The following CLEC16A variants were observed in gnomAD, a reference collection of about 807,000 sequenced individuals.
CLEC16A encodes the protein protein CLEC16A.
In CLEC16A, 51 loss-of-function variants were observed where a neutral mutation model predicts 109.5. The observed-to-expected ratio is 0.47, with a 90% CI of 0.37 to 0.59. CLEC16A has a LOEUF of 0.59. Among genes scored for constraint, CLEC16A ranks in the 20% least tolerant of loss-of-function variants. CLEC16A has a pLI of 0.00. For synonymous variants in CLEC16A, 673 were observed against 564.2 expected (o/e 1.19, Z -2.73); for missense variants, 1,339 against 1,394.0 (o/e 0.96, Z 0.63).
At chr16:11,152,137 G>A (rs1224807132) in intron 22 of CLEC16A, among the ~76,000 whole-genome samples, 1 of 152,226 alleles carries the variant, frequency 6.6e-6, no homozygotes, top group African/African-American at 2.4e-5. Flanking sequence ...AAGATGCGCG[G>A]AAGGATAAAT....
chr16:11,042,559 G>A (rs1397769211), intron 15 of CLEC16A, among the ~76,000 whole-genome samples, 196 bp downstream of exon 15: 1 of 152,168 alleles, frequency 6.6e-6, no homozygotes, highest in Non-Finnish European at 1.5e-5. Context: ...GCCGAGACTC[G>A]CTGAAGAGTC....
At position 11,075,276 on chromosome 16, in the gene CLEC16A, G is replaced by A. The variant is rs112750077; in HGVS notation, c.2116+14254G>A. Among the ~76,000 whole-genome samples the A allele has an allele frequency of 6.1e-3, 923 of 152,304 alleles. 9 individuals are homozygous for A. The highest frequency in any genetic ancestry group is 0.02 in the African/African-American group (852 of 41,570). On this transcript the variant is annotated intron_variant, in intron 19 of 23. Coordinates refer to ENST00000409790, the MANE Select transcript of CLEC16A (RefSeq NM_015226.3). ...TCCGAGGCACATCAACCCTTGGGATGTGGACAGCTTCTGGGTGCAGCTGCA... is the reference window on the plus strand; with the variant it reads ...TCCGAGGCACATCAACCCTTGGGATATGGACAGCTTCTGGGTGCAGCTGCA...
chr16:11,005,991 G>A (rs181373747), intron 11 of CLEC16A, among the ~76,000 whole-genome samples: 20 of 151,122 alleles, frequency 1.3e-4, no homozygotes, highest in Admixed American at 9.9e-4. Context: ...GTGAAGATAC[G>A]TTGATATTTG....
intron 16 of CLEC16A, 140 bp from the exon 17 acceptor site, chr16:11,047,152 T>A: frequency 3.9e-6 from 2 of 510,144 alleles, no homozygotes; most frequent in Non-Finnish European, 6.7e-6. Context: ...ACGTGTGCAT[T>A]TTACTTCCTG....
intron 19 of CLEC16A, among the ~76,000 whole-genome samples, chr16:11,107,928 C>G (rs1323416015): frequency 6.6e-6 from 1 of 152,342 alleles, no homozygotes; most frequent in African/African-American, 2.4e-5. Context: ...TCCCCTCCAC[C>G]CCGCACTGAG....
chr16:11,007,434 G>A (rs1000895294), intron 11 of CLEC16A, among the ~76,000 whole-genome samples: 1 of 152,160 alleles, frequency 6.6e-6, no homozygotes, highest in Non-Finnish European at 1.5e-5. Flanking sequence ...GGCAAGCCAG[G>A]GACTGACTAT....
At chr16:11,027,690 G>T (rs1597110554) in intron 13 of CLEC16A, 3 of 1,578,176 alleles carry the variant, frequency 1.9e-6, no homozygotes, top group East Asian at 2.2e-5. Flanking sequence ...AAATAGAGTG[G>T]GCTTCCTCAA....
intron 23 of CLEC16A, among the ~76,000 whole-genome samples, chr16:11,177,105 C>G (rs560117363): frequency 2.0e-5 from 3 of 152,238 alleles, no homozygotes; most frequent in Non-Finnish European, 4.4e-5. Context: ...GCACCTCCCG[C>G]CATGGCTTGG....
chr16:11,070,153 C>G (rs1230451454), intron 19 of CLEC16A, among the ~76,000 whole-genome samples: 1 of 151,848 alleles, frequency 6.6e-6, no homozygotes, highest in East Asian at 1.9e-4. Context: ...TCACTGCAAG[C>G]TCCGCCTCCC....
Position 11,003,292 on chromosome 16 carries a change from T to G in CLEC16A, c.1290T>G (p.Ser430Arg). ...TEGGSKGIKT[S>R]GESEEIEMVI... ...GTGGTTCAAAAGGCATCAAGACGAGTGGGGAGAGTGAAGGTGAGTGTCCCC... is the reference window on the plus strand; with the variant it reads ...GTGGTTCAAAAGGCATCAAGACGAGGGGGGAGAGTGAAGGTGAGTGTCCCC... The change falls in exon 11 of 24, where the codon AGT becomes AGG. Residue 430 changes from serine to arginine, a missense_variant. Transcript: ENST00000409790. 1 of 1,611,008 alleles carries G rather than the reference T, an allele frequency of 6.2e-7. No homozygotes were observed. The highest frequency in any genetic ancestry group is 8.5e-7 in the Non-Finnish European group (1 of 1,179,384).
chr16:11,069,076 G>T (rs577273420), intron 19 of CLEC16A, among the ~76,000 whole-genome samples: 1 of 148,494 alleles, frequency 6.7e-6, no homozygotes, highest in Non-Finnish European at 1.5e-5. Flanking sequence ...CAAATAGTCC[G>T]CCTGCCTTGG....
At chr16:11,160,526 C>G (rs1020872266) in intron 22 of CLEC16A, among the ~76,000 whole-genome samples, 9 of 152,166 alleles carry the variant, frequency 5.9e-5, no homozygotes, top group East Asian at 1.9e-4. Context: ...CCCTCTTTCC[C>G]TTCAGCCCAC....
chr16:11,073,703 A>C (rs535960754), intron 19 of CLEC16A, among the ~76,000 whole-genome samples: 36 of 152,194 alleles, frequency 2.4e-4, no homozygotes, highest in African/African-American at 8.4e-4. Flanking sequence ...TGGCCCTCCC[A>C]GCCTCCTTCC....
intron 22 of CLEC16A, among the ~76,000 whole-genome samples, chr16:11,138,096 A>G (rs1369539156): frequency 6.6e-6 from 1 of 152,074 alleles, no homozygotes; most frequent in Non-Finnish European, 1.5e-5. Flanking sequence ...CATTTTTTAA[A>G]GGAACTTTTA....
chr16:11,071,604 T>C (rs1253863869), intron 19 of CLEC16A, among the ~76,000 whole-genome samples: 2 of 151,044 alleles, frequency 1.3e-5, no homozygotes, highest in Admixed American at 6.6e-5. Flanking sequence ...ACGTTTCTTT[T>C]TTTTTTTTTT....
chr16:11,116,694 G>A (rs2052019340), intron 19 of CLEC16A, among the ~76,000 whole-genome samples: 1 of 152,140 alleles, frequency 6.6e-6, no homozygotes, highest in Non-Finnish European at 1.5e-5. Flanking sequence ...GGAGAGGGGG[G>A]AAATCCTTGG....
intron 19 of CLEC16A, among the ~76,000 whole-genome samples, chr16:11,088,756 T>A (rs547760168): frequency 2.6e-5 from 4 of 152,326 alleles, no homozygotes; most frequent in African/African-American, 9.6e-5. Flanking sequence ...GGCTTACTTA[T>A]TGCCATCTGT....
intron 7 of CLEC16A, among the ~76,000 whole-genome samples, chr16:10,975,143 G>GACCA (rs935786040): frequency 2.6e-5 from 4 of 152,190 alleles, no homozygotes; most frequent in African/African-American, 9.6e-5. Flanking sequence ...AGGAGTTGAA[G>GACCA]ACCAGCCTGG....
intron 19 of CLEC16A, among the ~76,000 whole-genome samples, chr16:11,117,453 A>G (rs1455714369): frequency 6.6e-6 from 1 of 151,940 alleles, no homozygotes; most frequent in East Asian, 1.9e-4. Context: ...AACATACAAA[A>G]CTCTTGGTAA....
Sources: gnomAD v4.1 joint callset for allele counts (sites outside exome capture counted in the v4.1 genomes callset) on GRCh38, gnomAD v4.1.1 for gene constraint, MANE v1.5 for transcripts, NCBI Gene and HGNC (gene_info 2026-07-23, HGNC 2026-07-21) for gene names.